WWOX: variants seen among roughly 807,000 people sequenced by gnomAD.
WWOX encodes the protein WW domain containing oxidoreductase, also known as WW domain-containing oxidoreductase.
A neutral mutation model predicts 46.2 loss-of-function variants in WWOX; 69 were observed. That is an observed-to-expected ratio of 1.49 (90% CI 1.23 to 1.82). The LOEUF is 1.82. Among genes scored for constraint, WWOX ranks in the 40% most tolerant of loss-of-function variants. The pLI is 0.00. For synonymous variants in WWOX, 359 were observed against 202.6 expected, an observed-to-expected ratio of 1.77 and a Z score of -6.56; for missense variants, 919 against 542.6, an observed-to-expected ratio of 1.69 and a Z score of -6.89.
rs181697977 is a variant in WWOX at position 78,579,752 on chromosome 16, C to T, written c.1056+147000C>T. On this transcript the variant is annotated intron_variant, in intron 8 of 8. Transcript: ENST00000566780. ...TTTAGAGAAAACAAATATCATCTGC[C>T]TTGCTAGGTAGTTGTGAGAAATGAG... is the stretch of plus-strand genomic sequence containing the variant. Among the ~76,000 whole-genome samples, 46 of 152,226 alleles carry T rather than the reference C, an allele frequency of 3.0e-4. No individual in the cohort carries two copies. The East Asian group carries it at 6.8e-3, about 22-fold the overall frequency.
chr16:79,087,548 A>G (rs1228868990), intron 8 of WWOX, among the ~76,000 whole-genome samples: 1 of 152,218 alleles, frequency 6.6e-6, no homozygotes, highest in Non-Finnish European at 1.5e-5. Flanking sequence ...AGCCAACAGG[A>G]GAAAGCCAGA....
At chr16:78,978,025 A>C (rs146505376) in intron 8 of WWOX, among the ~76,000 whole-genome samples, 44 of 152,326 alleles carry the variant, frequency 2.9e-4, no homozygotes, top group Admixed American at 3.9e-4. Flanking sequence ...GTCTGTACCA[A>C]TTAAGCAGCT....
chr16:78,971,371 G>T (rs1175713138), intron 8 of WWOX, among the ~76,000 whole-genome samples: 2 of 146,638 alleles, frequency 1.4e-5, no homozygotes, highest in East Asian at 2.1e-4. Context: ...GGGAGAATCT[G>T]TTGAGTCCGG....
At chr16:78,178,506 A>T (rs528255440) in intron 5 of WWOX, among the ~76,000 whole-genome samples, 2 of 152,216 alleles carry the variant, frequency 1.3e-5, no homozygotes, top group African/African-American at 4.8e-5. Context: ...GCACTTTAGG[A>T]GTAGGAATAC....
intron 8 of WWOX, among the ~76,000 whole-genome samples, chr16:78,455,264 G>A (rs935897180): frequency 9.2e-5 from 14 of 151,784 alleles, no homozygotes; most frequent in Non-Finnish European, 1.5e-4. Flanking sequence ...GCTGTGGCTG[G>A]GCTGGGACAA....
rs546226461 is a variant in WWOX at position 78,999,250 on chromosome 16, C to T, written c.1057-212358C>T. 6.1e-4 allele frequency among the ~76,000 whole-genome samples: 92 copies of T among 151,958 alleles called. No homozygotes were observed. In the Middle Eastern group the frequency reaches 0.01, roughly 17 times the overall value. On this transcript the variant is annotated intron_variant, in intron 8 of 8. Transcript: ENST00000566780. ...CTTTGGGAGGCCAATGCAGGCGGAT[C>T]ATCTGAGGTCGGGAGTTCGAGACCA...
In WWOX at chr16:78,486,559, AGTTTTGTTTTGTTTT is replaced by A. The variant is rs541455368; in HGVS notation, c.1056+53829_1056+53843del. On this transcript the variant is annotated intron_variant, in intron 8 of 8. Transcript: ENST00000566780. Reference sequence around the variant, plus strand: ...TACTGGGTGTGTTTAATTGACTTCCAGTTTTGTTTTGTTTTGTTTTGTTTTGTTTTGTTTTGAAAC... The same window carrying A: ...TACTGGGTGTGTTTAATTGACTTCCAGTTTTGTTTTGTTTTGTTTTGAAAC... 8.7e-5 allele frequency among the ~76,000 whole-genome samples: 12 copies of A among 137,648 alleles called. No individual in the cohort carries two copies. The East Asian group carries it at 1.2e-3, about 13-fold the overall frequency. The allele number at this position is 137,648 out of a possible 152,430, so 90.3% of individuals were successfully genotyped here.
At chr16:79,100,235 A>G (rs776223114) in intron 8 of WWOX, among the ~76,000 whole-genome samples, 1 of 152,334 alleles carries the variant, frequency 6.6e-6, no homozygotes, top group East Asian at 1.9e-4. Context: ...AGATGTTAAA[A>G]AAAAGATACC....
intron 4 of WWOX, among the ~76,000 whole-genome samples, chr16:78,138,433 C>G (rs897404797): frequency 1.5e-5 from 2 of 136,752 alleles, no homozygotes; most frequent in South Asian, 2.3e-4. Flanking sequence ...ATGTGAAAAC[C>G]AAAAGGGAAA....
intron 8 of WWOX, among the ~76,000 whole-genome samples, chr16:78,932,456 T>C (rs773114907): frequency 6.6e-5 from 10 of 152,184 alleles, no homozygotes; most frequent in Non-Finnish European, 1.2e-4. Flanking sequence ...CCCCTCAAAA[T>C]GTGCACACCG....
chr16:78,539,146 T>C (rs903361405), intron 8 of WWOX, among the ~76,000 whole-genome samples: 11 of 152,224 alleles, frequency 7.2e-5, no homozygotes, highest in African/African-American at 2.7e-4. Flanking sequence ...TGATGTTTTA[T>C]TGAATTTTGG....
At chr16:78,352,558 C>G (rs1016168513) in intron 5 of WWOX, among the ~76,000 whole-genome samples, 4 of 152,190 alleles carry the variant, frequency 2.6e-5, no homozygotes, top group Non-Finnish European at 4.4e-5. Context: ...CTCTCTTCTG[C>G]TTCTGCTTTT....
chr16:79,106,153 C>T (rs1417077719), intron 8 of WWOX, among the ~76,000 whole-genome samples: 1 of 152,210 alleles, frequency 6.6e-6, no homozygotes, highest in Non-Finnish European at 1.5e-5. Context: ...CCTACTGCGT[C>T]TGGGGGCAGG....
intron 4 of WWOX, among the ~76,000 whole-genome samples, chr16:78,140,288 T>C (rs2033941888): frequency 6.6e-6 from 1 of 152,148 alleles, no homozygotes; most frequent in South Asian, 2.1e-4. Flanking sequence ...AGTGTATCCT[T>C]AAAGTTAAAA....
rs369387889 is a variant in WWOX, at chr16:78,811,583, C to A, written c.1056+378831C>A. The stretch of plus-strand genomic sequence containing the variant: ...ACGGGGTTTCACCATGTTGGCCAGG[C>A]TGGTCTCAAGCTCCTGACCTCAGGT... On this transcript the variant is annotated intron_variant, in intron 8 of 8. Transcript: ENST00000566780. 9.9e-5 allele frequency among the ~76,000 whole-genome samples: 15 copies of A among 152,000 alleles called. No homozygotes were observed. The East Asian group carries it at 2.5e-3, about 26-fold the overall frequency.
At chr16:78,388,533 G>A (rs745991206) in intron 6 of WWOX, among the ~76,000 whole-genome samples, 3 of 150,936 alleles carry the variant, frequency 2.0e-5, no homozygotes, top group Non-Finnish European at 4.4e-5. Flanking sequence ...TCTAGTCCTA[G>A]CTACTTGGGA....
intron 8 of WWOX, among the ~76,000 whole-genome samples, chr16:78,982,552 T>C (rs2151335252): frequency 6.6e-6 from 1 of 152,162 alleles, no homozygotes; most frequent in East Asian, 1.9e-4. Context: ...GTGAGTAGAG[T>C]AGGGAGTTAT....
intron 8 of WWOX, among the ~76,000 whole-genome samples, chr16:79,124,288 C>G (rs562593326): frequency 1.8e-3 from 268 of 152,138 alleles, no homozygotes; most frequent in African/African-American, 5.8e-3. Flanking sequence ...TAAAAGCATC[C>G]GCGCTTGCAT....
At chr16:78,409,577 C>A (rs1264329357) in intron 6 of WWOX, among the ~76,000 whole-genome samples, 1 of 152,186 alleles carries the variant, frequency 6.6e-6, no homozygotes, top group Non-Finnish European at 1.5e-5. Flanking sequence ...CAAACATACA[C>A]TATCTCACTC....
Sources: allele counts gnomAD v4.1 joint callset (sites outside exome capture counted in the v4.1 genomes callset), GRCh38; gene constraint gnomAD v4.1.1; transcripts MANE v1.5; gene names NCBI Gene and HGNC (gene_info 2026-07-23, HGNC 2026-07-21).